ATRN: variants seen among roughly 807,000 people sequenced by gnomAD.
ATRN encodes the protein attractin-2.
ATRN carries 54 observed loss-of-function variants against 178.7 expected under a neutral mutation model. That is an observed-to-expected ratio of 0.30 (90% CI 0.24 to 0.38). The LOEUF (loss-of-function observed/expected upper bound fraction) is 0.38, where lower values mean the gene tolerates loss of function less well. Among genes scored for constraint, ATRN ranks in the 10% least tolerant of loss-of-function variants. The probability of loss-of-function intolerance (pLI) is 1.00; values close to 1 mark genes in which losing one functional copy is unlikely to be tolerated. For missense variants in ATRN, 1,443 were observed against 1,815.1 expected (o/e 0.79, Z 3.73); for synonymous variants, 636 against 663.0 (o/e 0.96, Z 0.63).
Position 3,588,987 on chromosome 20 carries a change from T to TG in ATRN, c.3185-2182_3185-2181insG, listed in dbSNP as rs1338318935. 4.5e-4 allele frequency among the ~76,000 whole-genome samples: 61 copies of TG among 135,000 alleles called. 2 individuals are homozygous for TG. Among genetic ancestry groups the TG allele is most frequent in the African/African-American group, 1.6e-3 (57 of 35,204 alleles). 88.6% of individuals were successfully genotyped at this position (135,000 alleles called of 152,430 possible). ...GTTCGTAGTATTTTCTTTTGTTTTT[T>TG]TTTTTTTTTTTTTGAGACAGAGTCT... On this transcript the variant is annotated intron_variant, in intron 18 of 28. Transcript: ENST00000262919.
At chr20:3,547,605 G>T in intron 5 of ATRN, 116 bp downstream of exon 5, 2 of 905,872 alleles carry the variant, frequency 2.2e-6, no homozygotes, top group Non-Finnish European at 3.3e-6. Flanking sequence ...CAAATACGAG[G>T]TAGCATTTAA....
At chr20:3,547,019 T>G (rs1373644210) in intron 4 of ATRN, among the ~76,000 whole-genome samples, 2 of 152,200 alleles carry the variant, frequency 1.3e-5, no homozygotes, top group African/African-American at 4.8e-5. Context: ...CCTACCTCCT[T>G]TAATTTCTTT....
At chr20:3,533,053 C>T (rs905288166) in intron 1 of ATRN, among the ~76,000 whole-genome samples, 10 of 152,206 alleles carry the variant, frequency 6.6e-5, no homozygotes, top group Admixed American at 5.9e-4. Flanking sequence ...TGAGCCACCA[C>T]GCCCAGCCTA....
At chr20:3,595,113 G>A (rs947795601) in intron 20 of ATRN, among the ~76,000 whole-genome samples, 1 of 152,220 alleles carries the variant, frequency 6.6e-6, no homozygotes, top group Admixed American at 6.5e-5. Context: ...GCATGTTTAA[G>A]GTTTCAGACC....
rs1300924884 is a variant in ATRN, at chr20:3,545,772, G to A, written c.619G>A (p.Val207Ile). 1.2e-6 allele frequency: 2 copies of A among 1,613,886 alleles called. No homozygotes were observed. The highest frequency in any genetic ancestry group is 2.2e-5 in the South Asian group (2 of 91,048). Residue 207 changes from valine to isoleucine, a missense_variant, in exon 4 of 29, where the codon GTT becomes ATT. Physicochemically the swap from Val to Ile is conservative, Grantham distance 29 (BLOSUM62 3). Coordinates refer to ENST00000262919, the MANE Select transcript of ATRN (RefSeq NM_139321.3). ...PLVAAFSGLI[V>I]PERDGNETVP... ...GTGTTTTCATTTCAGTGGCCTCATTGTTCCTGAGAGAGATGGCAATGAGAC... is the reference window on the plus strand; with the variant it reads ...GTGTTTTCATTTCAGTGGCCTCATTATTCCTGAGAGAGATGGCAATGAGAC...
chr20:3,573,363 G>A (rs1467118039), intron 12 of ATRN, among the ~76,000 whole-genome samples: 4 of 152,188 alleles, frequency 2.6e-5, no homozygotes, highest in Non-Finnish European at 5.9e-5. Flanking sequence ...TAGTGTGAGT[G>A]AAGAACTGAA....
chr20:3,599,677 G>T lies in ATRN; in HGVS notation c.3565-1269G>T, dbSNP rs114827919. On this transcript the variant is annotated intron_variant, in intron 22 of 28. Coordinates refer to ENST00000262919, the MANE Select transcript of ATRN (RefSeq NM_139321.3). ...GAGGGTGGACTTTTCATATGCAAGG[G>T]TTCTATGGGCAGACTGCGGACTGGA... 5.0e-3 allele frequency among the ~76,000 whole-genome samples: 762 copies of T among 152,308 alleles called. 6 individuals are homozygous for T. Among genetic ancestry groups the T allele is most frequent in the African/African-American group, 0.017 (694 of 41,568 alleles).
intron 1 of ATRN, chr20:3,490,735 G>A: frequency 2.5e-6 from 2 of 793,370 alleles, no homozygotes; most frequent in Admixed American, 1.7e-5. Flanking sequence ...TGCTTCTGGT[G>A]GAATTCCTTT....
At chr20:3,596,923 A>G (rs1295858091) in intron 21 of ATRN, among the ~76,000 whole-genome samples, 2 of 152,046 alleles carry the variant, frequency 1.3e-5, no homozygotes, top group Non-Finnish European at 2.9e-5. Context: ...GAGAATCCAC[A>G]TGGTAGACCA....
At chr20:3,560,625 A>C (rs781177043) in intron 7 of ATRN, 37 bp from the exon 8 acceptor site, 1 of 1,498,256 alleles carries the variant, frequency 6.7e-7, no homozygotes, top group South Asian at 1.2e-5. Flanking sequence ...TAATCTTTTC[A>C]ATGTTTTTAA....
chr20:3,489,806 A>G lies in ATRN; in HGVS notation c.410+18289A>G, dbSNP rs142917196. The stretch of plus-strand genomic sequence containing the variant: ...GCCCTTGGTAGGTGTAGTTTCCACA[A>G]ATCTCACAGTTATAGTTGATATTTA... On this transcript the variant is annotated intron_variant, in intron 1 of 28. Transcript: ENST00000262919. 321 of 1,266,548 alleles carry G rather than the reference A, an allele frequency of 2.5e-4. 2 individuals are homozygous for G. The African/African-American group carries it at 3.5e-3, about 14-fold the overall frequency. The allele number at this position is 1,266,548 out of a possible 1,614,324, so 78.5% of individuals were successfully genotyped here.
chr20:3,502,003 A>G (rs982838262), intron 1 of ATRN, among the ~76,000 whole-genome samples: 1 of 152,140 alleles, frequency 6.6e-6, no homozygotes, highest in African/African-American at 2.4e-5. Context: ...ACATTACCTC[A>G]ATCCCTGATT....
intron 1 of ATRN, among the ~76,000 whole-genome samples, chr20:3,502,548 C>G (rs1197745138): frequency 6.6e-6 from 1 of 152,120 alleles, no homozygotes; most frequent in Non-Finnish European, 1.5e-5. Flanking sequence ...AAATGGAAGT[C>G]CCCCCGAAAA....
chr20:3,557,302 C>T (rs2085890683), intron 6 of ATRN, among the ~76,000 whole-genome samples: 1 of 152,032 alleles, frequency 6.6e-6, no homozygotes, highest in South Asian at 2.1e-4. Flanking sequence ...GGCTTCCAGG[C>T]AGAAAAGCAA....
intron 14 of ATRN, among the ~76,000 whole-genome samples, chr20:3,577,927 T>G (rs1243316194): frequency 6.6e-6 from 1 of 152,188 alleles, no homozygotes; most frequent in East Asian, 1.9e-4. Context: ...GTACTTTGGT[T>G]CTGGTGAAGT....
intron 1 of ATRN, among the ~76,000 whole-genome samples, 167 bp from the exon 2 acceptor site, chr20:3,535,086 A>G (rs2085506801): frequency 1.3e-5 from 2 of 151,832 alleles, no homozygotes; most frequent in South Asian, 2.1e-4. Context: ...TCTGAATATA[A>G]CTAGTCATTT....
At position 3,646,953 on chromosome 20, in the gene ATRN, G is replaced by T; in HGVS notation, c.*106G>T. The stretch of plus-strand genomic sequence containing the variant: ...AATGGCTGTGCGGTGCGGGACGGAA[G>T]ACTGGAAACCCTCAAAGCATCTGAC... On this transcript the variant is annotated 3_prime_UTR_variant, in exon 29 of 29. Coordinates refer to ENST00000262919, the MANE Select transcript of ATRN (RefSeq NM_139321.3). The T allele has an allele frequency of 2.1e-6, 3 of 1,412,274 alleles. No individual in the cohort carries two copies. Among genetic ancestry groups the T allele is most frequent in the Non-Finnish European group, 2.8e-6 (3 of 1,063,888 alleles). The allele number at this position is 1,412,274 out of a possible 1,614,324, so 87.5% of individuals were successfully genotyped here.
intron 1 of ATRN, among the ~76,000 whole-genome samples, chr20:3,475,895 A>G (rs2084522156): frequency 6.6e-6 from 1 of 152,248 alleles, no homozygotes; most frequent in Non-Finnish European, 1.5e-5. Flanking sequence ...CTGTAATCCC[A>G]ACACTTTGGG....
At chr20:3,548,062 T>C (rs1355695220) in intron 5 of ATRN, among the ~76,000 whole-genome samples, 1 of 152,178 alleles carries the variant, frequency 6.6e-6, no homozygotes, top group Admixed American at 6.5e-5. Flanking sequence ...GGCTGACATT[T>C]TAGAGTTAAT....
Sources: gnomAD v4.1 joint callset for allele counts (sites outside exome capture counted in the v4.1 genomes callset) on GRCh38, gnomAD v4.1.1 for gene constraint, MANE v1.5 for transcripts, NCBI Gene and HGNC (gene_info 2026-07-23, HGNC 2026-07-21) for gene names.